The following NKAIN3 variants were observed in gnomAD, a reference collection of about 807,000 sequenced individuals.
NKAIN3 encodes the protein sodium/potassium-transporting ATPase subunit beta-1-interacting protein 3.
Under a neutral mutation model 30.2 loss-of-function variants are expected in NKAIN3, and 25 were observed. The ratio of observed to expected loss-of-function variants is 0.83; its 90% CI spans 0.60 to 1.16. The LOEUF (loss-of-function observed/expected upper bound fraction) is 1.16. Ranked by LOEUF, NKAIN3 falls within the 50% of genes most tolerant of loss-of-function variation. The probability of loss-of-function intolerance (pLI) is 0.00; values close to 1 mark genes in which losing one functional copy is unlikely to be tolerated. For synonymous variants in NKAIN3, 91 were observed against 89.6 expected, an observed-to-expected ratio of 1.02 and a Z score of -0.09; for missense variants, 225 against 254.1, an observed-to-expected ratio of 0.89 and a Z score of 0.78.
chr8:62,540,156 C>T (rs1808793923), intron 1 of NKAIN3, among the ~76,000 whole-genome samples: 2 of 152,148 alleles, frequency 1.3e-5, no homozygotes, highest in Admixed American at 1.3e-4. Context: ...AATTTCTGCT[C>T]TCAAAAGGAA....
intron 1 of NKAIN3, among the ~76,000 whole-genome samples, chr8:62,501,764 C>T (rs1364922614): frequency 1.3e-5 from 2 of 152,138 alleles, no homozygotes; most frequent in Non-Finnish European, 2.9e-5. Context: ...CAAACATAAG[C>T]CACTGGGCTT....
rs535230158 is a variant in NKAIN3, at chr8:62,762,360, T to C, written c.471+15231T>C. Among the ~76,000 whole-genome samples the C allele has an allele frequency of 6.0e-5, 9 of 151,004 alleles. 1 individual carries two copies. Among genetic ancestry groups the C allele is most frequent in the African/African-American group, 2.2e-4 (9 of 41,268 alleles). On this transcript the variant is annotated intron_variant, in intron 4 of 6. Coordinates refer to ENST00000623646, the MANE Select transcript of NKAIN3 (RefSeq NM_001304533.3). Reference sequence around the variant, plus strand: ...ACAAAAAGAAACATGGCATTTGAGCTGAAATGAACTCATTTGAATACTGGG... The same window carrying C: ...ACAAAAAGAAACATGGCATTTGAGCCGAAATGAACTCATTTGAATACTGGG...
intron 1 of NKAIN3, among the ~76,000 whole-genome samples, chr8:62,346,087 G>C (rs889935858): frequency 7.2e-5 from 11 of 152,030 alleles, no homozygotes; most frequent in Non-Finnish European, 1.5e-4. Context: ...TGGAGAGGAA[G>C]GTGGGGAGAG....
chr8:62,911,148 A>T (rs1333466041), intron 4 of NKAIN3, among the ~76,000 whole-genome samples: 1 of 152,224 alleles, frequency 6.6e-6, no homozygotes, highest in Non-Finnish European at 1.5e-5. Context: ...TAGAAGTATT[A>T]TATTTTTTCC....
chr8:62,324,487 A>C (rs537644117), intron 1 of NKAIN3, among the ~76,000 whole-genome samples: 22 of 152,246 alleles, frequency 1.4e-4, no homozygotes, highest in Admixed American at 1.2e-3. Context: ...ACCAAGATTG[A>C]TTTCATTTTA....
intron 3 of NKAIN3, among the ~76,000 whole-genome samples, chr8:62,738,701 A>C (rs1586147254): frequency 6.6e-6 from 1 of 151,820 alleles, no homozygotes; most frequent in Non-Finnish European, 1.5e-5. Context: ...AATTTATTTA[A>C]GTTCCTTGTA....
At chr8:62,485,990 G>A (rs1806887960) in intron 1 of NKAIN3, among the ~76,000 whole-genome samples, 2 of 152,138 alleles carry the variant, frequency 1.3e-5, no homozygotes, top group Non-Finnish European at 2.9e-5. Flanking sequence ...TTGAATACAG[G>A]CAGTATAAAT....
intron 4 of NKAIN3, among the ~76,000 whole-genome samples, chr8:62,757,208 G>A (rs1032755555): frequency 6.6e-6 from 1 of 152,090 alleles, no homozygotes; most frequent in African/African-American, 2.4e-5. Context: ...GTCATTCAGA[G>A]GGTGGCAGAT....
chr8:62,400,325 C>T (rs62509245), intron 1 of NKAIN3, among the ~76,000 whole-genome samples: 14,165 of 151,946 alleles, frequency 0.093, 886 homozygotes, highest in Non-Finnish European at 0.14. Flanking sequence ...GCCTGCACCA[C>T]CATGCCCAGC....
At chr8:62,304,470 G>A (rs1474994609) in intron 1 of NKAIN3, among the ~76,000 whole-genome samples, 2 of 150,302 alleles carry the variant, frequency 1.3e-5, no homozygotes, top group Non-Finnish European at 2.9e-5. Context: ...CATTTTGGGG[G>A]AATAATGTGA....
chr8:62,449,926 T>C (rs565746572), intron 1 of NKAIN3, among the ~76,000 whole-genome samples: 4 of 152,156 alleles, frequency 2.6e-5, no homozygotes, highest in African/African-American at 9.6e-5. Context: ...AAGGTAAACA[T>C]GTATGCATAA....
Position 62,938,759 on chromosome 8 carries a change from G to C in NKAIN3, c.533-15143G>C, listed in dbSNP as rs141384987. 8.5e-3 allele frequency among the ~76,000 whole-genome samples: 1,301 copies of C among 152,260 alleles called. 21 individuals are homozygous for C. The highest frequency in any genetic ancestry group is 0.03 in the African/African-American group (1,261 of 41,538). On this transcript the variant is annotated intron_variant, in intron 5 of 6. Transcript: ENST00000623646. Reference sequence around the variant, plus strand: ...CAAAAGAATCTGAACAGCAGACCTTGAGCCCCAGATCTTCCCTCTGACATA... The same window carrying C: ...CAAAAGAATCTGAACAGCAGACCTTCAGCCCCAGATCTTCCCTCTGACATA...
rs1055788641 is a variant in NKAIN3 at position 62,802,643 on chromosome 8, C to T, written c.471+55514C>T. On this transcript the variant is annotated intron_variant, in intron 4 of 6. Transcript: ENST00000623646. ...TAAACATGGAAAGGAACAACCGGTA[C>T]CAGCCACTGCAAAATCATGCCAAAT... is the stretch of plus-strand genomic sequence containing the variant. Among the ~76,000 whole-genome samples the T allele has an allele frequency of 2.6e-5, 4 of 152,116 alleles. No homozygotes were observed. In the East Asian group the frequency reaches 5.8e-4, roughly 22 times the overall value.
chr8:62,726,123 A>T (rs963812370), intron 3 of NKAIN3, among the ~76,000 whole-genome samples: 3 of 151,794 alleles, frequency 2.0e-5, no homozygotes, highest in African/African-American at 7.3e-5. Context: ...TACTTTCTTG[A>T]TTTCTTTTTC....
intron 4 of NKAIN3, among the ~76,000 whole-genome samples, chr8:62,829,662 A>C (rs1302907077): frequency 1.3e-5 from 2 of 152,156 alleles, no homozygotes; most frequent in African/African-American, 2.4e-5. Flanking sequence ...GATTTTTGAC[A>C]AATTAAATAA....
chr8:62,890,989 T>C (rs1299327094), intron 4 of NKAIN3, among the ~76,000 whole-genome samples: 1 of 152,148 alleles, frequency 6.6e-6, no homozygotes, highest in Non-Finnish European at 1.5e-5. Flanking sequence ...GAGAGCAAGG[T>C]GGGAGGGTAC....
intron 4 of NKAIN3, among the ~76,000 whole-genome samples, chr8:62,752,765 T>C (rs949126776): frequency 2.0e-5 from 3 of 152,228 alleles, no homozygotes; most frequent in African/African-American, 7.2e-5. Context: ...AATTGTTGTA[T>C]ACATTTTCTG....
chr8:62,751,344 A>C (rs1018630548), intron 4 of NKAIN3, among the ~76,000 whole-genome samples: 12 of 152,204 alleles, frequency 7.9e-5, no homozygotes, highest in Non-Finnish European at 1.5e-4. Flanking sequence ...GTTCGAAAAC[A>C]TACAAATGTA....
At chr8:62,953,444 G>A (rs188080677) in intron 5 of NKAIN3, among the ~76,000 whole-genome samples, 2 of 152,276 alleles carry the variant, frequency 1.3e-5, no homozygotes, top group African/African-American at 4.8e-5. Flanking sequence ...CCGATTTTTG[G>A]GGAGTGGCTT....
Sources: allele counts gnomAD v4.1 joint callset (sites outside exome capture counted in the v4.1 genomes callset), GRCh38; gene constraint gnomAD v4.1.1; transcripts MANE v1.5; gene names NCBI Gene and HGNC (gene_info 2026-07-23, HGNC 2026-07-21).